The following CLSTN2 variants were observed in gnomAD, a reference collection of about 807,000 sequenced individuals.
The protein encoded by CLSTN2 is calsyntenin 2.
Under a neutral mutation model 101.2 loss-of-function variants are expected in CLSTN2, and 48 were observed. The observed-to-expected ratio is 0.47, with a 90% CI of 0.38 to 0.60. The LOEUF (loss-of-function observed/expected upper bound fraction) is 0.60, where lower values mean the gene tolerates loss of function less well. Among genes scored for constraint, CLSTN2 ranks in the 20% least tolerant of loss-of-function variants. The pLI is 0.00. For missense variants in CLSTN2, 1,160 were observed against 1,238.2 expected (o/e 0.94, Z 0.95); for synonymous variants, 481 against 463.6 (o/e 1.04, Z -0.48).
At chr3:140,175,276 G>A (rs907167276) in intron 1 of CLSTN2, among the ~76,000 whole-genome samples, 9 of 151,856 alleles carry the variant, frequency 5.9e-5, no homozygotes, top group African/African-American at 1.9e-4. Flanking sequence ...TGTATTAATT[G>A]TTCATTGGTT....
intron 2 of CLSTN2, among the ~76,000 whole-genome samples, chr3:140,223,462 C>G (rs911293565): frequency 1.3e-5 from 2 of 152,122 alleles, no homozygotes; most frequent in African/African-American, 4.8e-5. Flanking sequence ...AAAGGGGGTC[C>G]TTGGGTACTG....
intron 8 of CLSTN2, among the ~76,000 whole-genome samples, chr3:140,515,576 A>C (rs1478519595): frequency 6.6e-6 from 1 of 152,060 alleles, no homozygotes; most frequent in Non-Finnish European, 1.5e-5. Flanking sequence ...TCACTATTAT[A>C]ATTCAATTCA....
At chr3:140,067,268 C>T (rs896401287) in intron 1 of CLSTN2, among the ~76,000 whole-genome samples, 1 of 152,084 alleles carries the variant, frequency 6.6e-6, no homozygotes, top group Non-Finnish European at 1.5e-5. Context: ...GGTTTCTTAC[C>T]TTTCTCAATT....
chr3:140,010,297 A>G (rs2007046414), intron 1 of CLSTN2, among the ~76,000 whole-genome samples: 1 of 151,950 alleles, frequency 6.6e-6, no homozygotes, highest in Non-Finnish European at 1.5e-5. Flanking sequence ...TGGTGTGAAG[A>G]CTCTTTCTGT....
intron 9 of CLSTN2, among the ~76,000 whole-genome samples, chr3:140,542,109 A>G (rs1407825403): frequency 6.6e-6 from 1 of 152,256 alleles, no homozygotes; most frequent in Non-Finnish European, 1.5e-5. Context: ...TCATGTTTCA[A>G]GGGCCTAACA....
At chr3:140,302,195 T>A (rs1480967296) in intron 2 of CLSTN2, among the ~76,000 whole-genome samples, 2 of 152,216 alleles carry the variant, frequency 1.3e-5, no homozygotes, top group African/African-American at 4.8e-5. Flanking sequence ...GTGGTTGTTT[T>A]TCCATTTAGA....
Position 140,511,888 on chromosome 3 carries a change from C to T in CLSTN2, c.1345-20436C>T, listed in dbSNP as rs1159395757. Among the ~76,000 whole-genome samples the T allele has an allele frequency of 2.0e-5, 3 of 151,908 alleles. No individual in the cohort carries two copies. The South Asian group carries it at 6.2e-4, about 32-fold the overall frequency. On this transcript the variant is annotated intron_variant, in intron 8 of 16. Transcript: ENST00000458420. ...TTTTGATTTGCATTTCTCTAATGAT[C>T]AATGATGTTGAGCTTTTTTTTCATA...
intron 1 of CLSTN2, among the ~76,000 whole-genome samples, chr3:140,086,284 G>A (rs1178679708): frequency 1.3e-5 from 2 of 152,214 alleles, no homozygotes; most frequent in Non-Finnish European, 2.9e-5. Context: ...TGGGATAGCA[G>A]AGCTGTAGTG....
At chr3:140,298,594 G>A (rs776071563) in intron 2 of CLSTN2, among the ~76,000 whole-genome samples, 1 of 152,172 alleles carries the variant, frequency 6.6e-6, no homozygotes, top group Non-Finnish European at 1.5e-5. Flanking sequence ...CACTGGGGAA[G>A]CTGTGAAGCC....
rs554986477 is a variant in CLSTN2, at chr3:140,199,631, T to C, written c.232+23558T>C. 5.3e-4 allele frequency among the ~76,000 whole-genome samples: 81 copies of C among 152,302 alleles called. 1 individual carries two copies. Among genetic ancestry groups the C allele is most frequent in the Middle Eastern group, 6.8e-3 (2 of 294 alleles). ...GGATGGTTGGGATATACTGCACATTTTTTTCTTTCAATCTCTTTCTACCCC... is the reference window on the plus strand; with the variant it reads ...GGATGGTTGGGATATACTGCACATTCTTTTCTTTCAATCTCTTTCTACCCC... On this transcript the variant is annotated intron_variant, in intron 2 of 16. Coordinates refer to ENST00000458420, the MANE Select transcript of CLSTN2 (RefSeq NM_022131.3).
intron 2 of CLSTN2, among the ~76,000 whole-genome samples, chr3:140,324,732 C>T (rs549423641): frequency 6.6e-6 from 1 of 152,314 alleles, no homozygotes; most frequent in East Asian, 1.9e-4. Flanking sequence ...TCTATTCCAT[C>T]CAAATCAATG....
chr3:140,044,120 A>T (rs1463686093), intron 1 of CLSTN2, among the ~76,000 whole-genome samples: 4 of 152,176 alleles, frequency 2.6e-5, no homozygotes, highest in African/African-American at 9.7e-5. Flanking sequence ...TACCTTGGGC[A>T]GTATGGCCAT....
chr3:140,062,874 G>A (rs1053906429), intron 1 of CLSTN2, among the ~76,000 whole-genome samples: 1 of 152,096 alleles, frequency 6.6e-6, no homozygotes, highest in Non-Finnish European at 1.5e-5. Context: ...GCAGTCTGAT[G>A]AAGCCCCTAT....
At chr3:139,958,014 C>A (rs751640371) in intron 1 of CLSTN2, among the ~76,000 whole-genome samples, 1 of 152,178 alleles carries the variant, frequency 6.6e-6, no homozygotes, top group African/African-American at 2.4e-5. Context: ...AGCTGTGAGG[C>A]CCCCGGTTTG....
intron 9 of CLSTN2, among the ~76,000 whole-genome samples, chr3:140,539,862 C>T (rs1935437682): frequency 6.6e-6 from 1 of 152,194 alleles, no homozygotes; most frequent in African/African-American, 2.4e-5. Context: ...CCTATGTATA[C>T]TGCTGGACCA....
At chr3:140,397,308 G>A (rs2088193306) in intron 2 of CLSTN2, among the ~76,000 whole-genome samples, 1 of 152,106 alleles carries the variant, frequency 6.6e-6, no homozygotes, top group Non-Finnish European at 1.5e-5. Context: ...AGTTGGAAAG[G>A]AAGTGGTATT....
Position 140,569,052 on chromosome 3 carries a change from G to C in CLSTN2, c.*2799G>C, listed in dbSNP as rs772487789. The stretch of plus-strand genomic sequence containing the variant: ...GAATCCGCTGGGTTGGCAGGCATTG[G>C]TCATCTTCGCAACACCCTCTTCCTC... On this transcript the variant is annotated 3_prime_UTR_variant, in exon 17 of 17. Transcript: ENST00000458420. The C allele has an allele frequency of 1.6e-4, 25 of 152,228 alleles. No individual in the cohort carries two copies. Among genetic ancestry groups the C allele is most frequent in the Admixed American group, 9.2e-4 (14 of 15,268 alleles). 9.4% of individuals were successfully genotyped at this position (152,228 alleles called of 1,614,324 possible). A position where few individuals can be genotyped will look rare whatever the true frequency, so the allele number is the denominator to read the frequency against.
At chr3:140,277,807 A>T (rs1441740511) in intron 2 of CLSTN2, among the ~76,000 whole-genome samples, 1 of 152,202 alleles carries the variant, frequency 6.6e-6, no homozygotes, top group Non-Finnish European at 1.5e-5. Flanking sequence ...CACCTCAAAG[A>T]CACTACAATT....
chr3:140,437,786 T>C (rs571022342), intron 5 of CLSTN2, among the ~76,000 whole-genome samples: 1 of 152,356 alleles, frequency 6.6e-6, no homozygotes, highest in South Asian at 2.1e-4. Context: ...AAAATTATAA[T>C]TTTTTATCCT....
Sources: allele counts gnomAD v4.1 joint callset (sites outside exome capture counted in the v4.1 genomes callset), GRCh38; gene constraint gnomAD v4.1.1; transcripts MANE v1.5; gene names NCBI Gene and HGNC (gene_info 2026-07-23, HGNC 2026-07-21).